MORC2: variants seen among roughly 807,000 people sequenced by gnomAD.
MORC2 encodes ATPase MORC2.
In MORC2, 30 loss-of-function variants were observed where a neutral mutation model predicts 136.0. The observed-to-expected ratio is 0.22, with a 90% CI of 0.17 to 0.30. MORC2 has a LOEUF of 0.30. MORC2 is among the 10% of genes least tolerant of loss of function. The pLI, the probability that MORC2 is intolerant of heterozygous loss-of-function variation, is 1.00. For synonymous variants in MORC2, 439 were observed against 487.0 expected (o/e 0.90, Z 1.30); for missense variants, 922 against 1,333.1 (o/e 0.69, Z 4.80).
chr22:30,952,926 G>C (rs2040912254), intron 3 of MORC2, among the ~76,000 whole-genome samples: 1 of 152,204 alleles, frequency 6.6e-6, no homozygotes, highest in African/African-American at 2.4e-5. Context: ...AGAGCAAAAT[G>C]TAGTATGGGT....
rs1255016937 is a variant in MORC2, at chr22:30,934,133, T to C, written c.2252A>G (p.Glu751Gly). ...AVSDEEEVEE[E>G]AERRKERCKR... is the part of the protein sequence containing the mutation. ...GCACCTCTCCTTCCTCCTCTCAGCT[T>C]CCTCCTCAACTTCTTCCTCATCAGA... Residue 751 changes from glutamate to glycine, a missense_variant, in exon 20 of 26, where the codon GAA (glutamate) becomes GGA (glycine). Glu to Gly is a moderately conservative substitution (Grantham distance 98). Around this residue, in one of 9 missense-constraint regions of MORC2, gnomAD observed 263 missense variants for 388.3 expected, o/e 0.68. Transcript: ENST00000397641. This position sits in a 1 kb window ranked among gnomAD's most constrained non-coding sequence, Gnocchi z 4.4. 1 of 1,614,138 alleles carries C rather than the reference T, an allele frequency of 6.2e-7. No individual in the cohort carries two copies. The highest frequency in any genetic ancestry group is 1.7e-5 in the Admixed American group (1 of 60,018).
At chr22:30,964,899 T>C (rs143004796) in intron 1 of MORC2, among the ~76,000 whole-genome samples, 5 of 140,700 alleles carry the variant, frequency 3.6e-5, no homozygotes, top group South Asian at 2.2e-4. Flanking sequence ...TTCTGGTTTA[T>C]ATAAACTATT....
At chr22:30,950,337 G>GGGGGGCCCCCCCCC in intron 4 of MORC2, 40 bp downstream of exon 4, 1 of 761,768 alleles carries the variant, frequency 1.3e-6, no homozygotes, top group Non-Finnish European at 2.3e-6. Context: ...TGGTTACATC[G>GGGGGGCCCCCCCCC]CACCCCCCCA....
Position 30,941,678 on chromosome 22 carries a change from G to T in MORC2, c.699-120C>A. 7.2e-7 allele frequency: 1 copy of T among 1,391,694 alleles called. No individual in the cohort carries two copies. Among genetic ancestry groups the T allele is most frequent in the Non-Finnish European group, 9.7e-7 (1 of 1,028,850 alleles). The allele number at this position is 1,391,694 out of a possible 1,614,324, so 86.2% of individuals were successfully genotyped here. On this transcript the variant is annotated intron_variant, in intron 8 of 25. Transcript: ENST00000397641. This position sits in a 1 kb window ranked among gnomAD's most constrained non-coding sequence, Gnocchi z 4.6. ...ATGTTAGGTACTGACTTCTGCTGCT[G>T]CCCTGAACTGGTGCTCCCTTAGTGT... is the stretch of plus-strand genomic sequence containing the variant.
In MORC2 at chr22:30,940,002, G is replaced by A. The variant is rs763511089; in HGVS notation, c.944C>T (p.Thr315Ile). 3.1e-6 allele frequency: 5 copies of A among 1,613,972 alleles called. No individual in the cohort carries two copies. Among genetic ancestry groups the A allele is most frequent in the Non-Finnish European group, 4.2e-6 (5 of 1,180,034 alleles). Residue 315 changes from threonine (T) to isoleucine (I), a missense_variant, in exon 11 of 26, where the codon ACA becomes ATA. Physicochemically the swap from Thr to Ile is moderately conservative, Grantham distance 89. Coordinates refer to ENST00000397641, the MANE Select transcript of MORC2 (RefSeq NM_001303256.3). The part of the protein sequence containing the change: ...KAREAESKAR[T>I]LEVRLGGDLT... ...GTCTCCACCTAGGCGTACTTCTAAT[G>A]TCCGAGCTTTGCTCTCTGCCTCCCG...
At position 30,937,147 on chromosome 22, in the gene MORC2, A is replaced by T; in HGVS notation, c.1499-110T>A. ...GATGCCCCAGACTTTGTAGGCAAAG[A>T]TCTTCACTCGGGCTCCAACTCTGCC... On this transcript the variant is annotated intron_variant, in intron 15 of 25. Coordinates refer to ENST00000397641, the MANE Select transcript of MORC2 (RefSeq NM_001303256.3). This position sits in a 1 kb window ranked among gnomAD's most constrained non-coding sequence, Gnocchi z 4.7. 2 of 754,986 alleles carry T rather than the reference A, an allele frequency of 2.6e-6. No individual in the cohort carries two copies. The highest frequency in any genetic ancestry group is 4.6e-6 in the Non-Finnish European group (2 of 433,114). 46.8% of individuals were successfully genotyped at this position (754,986 alleles called of 1,614,324 possible). A position where few individuals can be genotyped will look rare whatever the true frequency, so the allele number is the denominator to read the frequency against.
chr22:30,941,701 T>C lies in MORC2; in HGVS notation c.699-143A>G. ...CTGCCCTGAACTGGTGCTCCCTTAG[T>C]GTGAGCACCACATCCCGCCCCTCTC... On this transcript the variant is annotated intron_variant, in intron 8 of 25. Coordinates refer to ENST00000397641, the MANE Select transcript of MORC2 (RefSeq NM_001303256.3). The surrounding 1 kb of genome is among the most constrained non-coding windows in gnomAD (Gnocchi z 4.6). 1 of 1,277,742 alleles carries C rather than the reference T, an allele frequency of 7.8e-7. No individual in the cohort carries two copies. Among genetic ancestry groups the C allele is most frequent in the Non-Finnish European group, 1.1e-6 (1 of 929,932 alleles). The allele number at this position is 1,277,742 out of a possible 1,614,324, so 79.2% of individuals were successfully genotyped here.
intron 1 of MORC2, among the ~76,000 whole-genome samples, chr22:30,966,759 C>T (rs548009712): frequency 1.3e-5 from 2 of 152,106 alleles, no homozygotes; most frequent in East Asian, 3.9e-4. Context: ...GCCTGAGCAA[C>T]AGAGCAAGAC....
At chr22:30,950,353 C>CCAAAAAAAAAAAA in intron 4 of MORC2, 24 bp downstream of exon 4, 11 of 1,481,908 alleles carry the variant, frequency 7.4e-6, no homozygotes, top group Non-Finnish European at 9.4e-6. Context: ...CCCCACCCCC[C>CCAAAAAAAAAAAA]AAAACAATAA....
chr22:30,928,742 G>A (rs1387852793), intron 24 of MORC2, among the ~76,000 whole-genome samples: 3 of 152,218 alleles, frequency 2.0e-5, no homozygotes, highest in Admixed American at 1.3e-4. Context: ...TCCAGGGGGA[G>A]AGGTAGGAAG....
intron 17 of MORC2, 122 bp downstream of exon 17, chr22:30,936,389 A>C: frequency 1.4e-6 from 2 of 1,398,678 alleles, no homozygotes; most frequent in Non-Finnish European, 1.9e-6. Flanking sequence ...AGCTTTGGCA[A>C]ACAACGCGGG....
intron 2 of MORC2, among the ~76,000 whole-genome samples, chr22:30,958,119 A>G (rs1413865848): frequency 6.6e-6 from 1 of 152,262 alleles, no homozygotes; most frequent in Non-Finnish European, 1.5e-5. Context: ...TCTATCACTA[A>G]GAACTCAGTA....
rs565366590 is a variant in MORC2 at position 30,926,460 on chromosome 22, C to G, written c.*343G>C. ...TTCTCCAAGATGGCACTGGACTCGCCGTTATCTTGAGGAGCCAGGAGCTGA... is the reference window on the plus strand; with the variant it reads ...TTCTCCAAGATGGCACTGGACTCGCGGTTATCTTGAGGAGCCAGGAGCTGA... On this transcript the variant is annotated 3_prime_UTR_variant, in exon 26 of 26. Coordinates refer to ENST00000397641, the MANE Select transcript of MORC2 (RefSeq NM_001303256.3). 7.5e-4 allele frequency: 120 copies of G among 159,932 alleles called. No homozygotes were observed. The highest frequency in any genetic ancestry group is 3.0e-3 in the African/African-American group (118 of 39,662). The allele number at this position is 159,932 out of a possible 1,614,324, so 9.9% of individuals were successfully genotyped here. A position where few individuals can be genotyped will look rare whatever the true frequency, so the allele number is the denominator to read the frequency against.
At chr22:30,946,027 C>T (rs1047773916) in intron 6 of MORC2, among the ~76,000 whole-genome samples, 18 of 152,206 alleles carry the variant, frequency 1.2e-4, no homozygotes, top group African/African-American at 4.3e-4. Context: ...GTAACACTCC[C>T]CCCAAAATGG....
intron 16 of MORC2, 33 bp downstream of exon 16, chr22:30,936,899 A>G: frequency 6.3e-7 from 1 of 1,579,984 alleles, no homozygotes; most frequent in Non-Finnish European, 8.7e-7. Flanking sequence ...GGAGAAAAGT[A>G]CCCACAATCC....
intron 12 of MORC2, among the ~76,000 whole-genome samples, chr22:30,939,185 CA>C (rs1308904783): frequency 2.0e-5 from 3 of 152,100 alleles, no homozygotes; most frequent in African/African-American, 7.2e-5. Flanking sequence ...CATTATTCTA[CA>C]TACATAACCA....
chr22:30,934,786 A>T lies in MORC2; in HGVS notation c.2188T>A (p.Ser730Thr), dbSNP rs759091855. 10 of 1,613,706 alleles carry T rather than the reference A, an allele frequency of 6.2e-6. No individual in the cohort carries two copies. The highest frequency in any genetic ancestry group is 8.5e-6 in the Non-Finnish European group (10 of 1,179,864). ...VKKTESPIKL[S>T]PATPSRKRSV... ...AAAGAGGACAAGCGTCTCACCGGGG[A>T]GAGTTTGATGGGTGACTCTGTCTTC... The change falls in exon 19 of 26, where the codon TCC (serine) becomes ACC (threonine). Residue 730 changes from serine to threonine, a missense_variant. Physicochemically the swap from Ser to Thr is moderately conservative, Grantham distance 58 (BLOSUM62 1). Transcript: ENST00000397641. The surrounding 1 kb of genome is among the most constrained non-coding windows in gnomAD (Gnocchi z 4.4).
chr22:30,967,112 T>C lies in MORC2; in HGVS notation c.68+710A>G, dbSNP rs1005348312. 7.1e-6 allele frequency: 7 copies of C among 985,280 alleles called. No homozygotes were observed. The African/African-American group carries it at 1.2e-4, about 17-fold the overall frequency. The allele number at this position is 985,280 out of a possible 1,614,324, so 61.0% of individuals were successfully genotyped here. A position where few individuals can be genotyped will look rare whatever the true frequency, so the allele number is the denominator to read the frequency against. On this transcript the variant is annotated intron_variant, in intron 1 of 25. Transcript: ENST00000397641. ...TGAATGTATTAAAACACTAAAGTTT[T>C]GACGCTACTGGACAGCCTCCAAGAG... is the stretch of plus-strand genomic sequence containing the variant.
Position 30,938,212 on chromosome 22 carries a change from A to ACG in MORC2, c.1074-8_1074-7insCG. 1 of 1,609,312 alleles carries ACG rather than the reference A, an allele frequency of 6.2e-7. No individual in the cohort carries two copies. The highest frequency in any genetic ancestry group is 8.5e-7 in the Non-Finnish European group (1 of 1,177,704). On this transcript the variant is annotated splice_polypyrimidine_tract_variant and splice_region_variant and intron_variant, in intron 12 of 25. Coordinates refer to ENST00000397641, the MANE Select transcript of MORC2 (RefSeq NM_001303256.3). ...CTTAGGTTCTTTAAGTGCTCTAAGAAGACAAAAAAACTCAAGCAGATCTAC... is the reference window on the plus strand; with the variant it reads ...CTTAGGTTCTTTAAGTGCTCTAAGAACGGACAAAAAAACTCAAGCAGATCTAC...
Sources: gnomAD v4.1 joint callset for allele counts (sites outside exome capture counted in the v4.1 genomes callset) on GRCh38, gnomAD v4.1.1 for gene constraint, gnomAD v4.1.1 regional missense constraint, Gnocchi (gnomAD v3.1) non-coding constraint, MANE v1.5 for transcripts, NCBI Gene and HGNC (gene_info 2026-07-23, HGNC 2026-07-21) for gene names.